The following MAGI1 variants were observed in gnomAD, a reference collection of about 807,000 sequenced individuals.
MAGI1 encodes the protein membrane-associated guanylate kinase, WW and PDZ domain-containing protein 1.
A neutral mutation model predicts 139.9 loss-of-function variants in MAGI1; 58 were observed. That is an observed-to-expected ratio of 0.41 (90% CI 0.34 to 0.52). The LOEUF is 0.52. MAGI1 is among the 20% of genes least tolerant of loss of function. The pLI is 0.12. For missense variants in MAGI1, 1,874 were observed against 1,901.6 expected (o/e 0.99, Z 0.27); for synonymous variants, 812 against 737.9 (o/e 1.10, Z -1.63).
chr3:65,552,232 A>C (rs991266329), intron 2 of MAGI1, among the ~76,000 whole-genome samples: 1 of 150,070 alleles, frequency 6.7e-6, no homozygotes, highest in Non-Finnish European at 1.5e-5. Flanking sequence ...TCCAGGTAAT[A>C]GGGCTCAGCT....
At chr3:65,576,898 C>T (rs190881697) in intron 2 of MAGI1, among the ~76,000 whole-genome samples, 14 of 152,264 alleles carry the variant, frequency 9.2e-5, no homozygotes, top group Non-Finnish European at 1.2e-4. Flanking sequence ...TGTATGGTTA[C>T]CCCTGGGATG....
chr3:65,815,218 G>T (rs2041526378), intron 1 of MAGI1, among the ~76,000 whole-genome samples: 1 of 152,110 alleles, frequency 6.6e-6, no homozygotes. Context: ...ACAATTCTGG[G>T]GCCCATGATC....
chr3:65,445,919 T>C (rs1575774521), intron 7 of MAGI1, among the ~76,000 whole-genome samples: 1 of 152,178 alleles, frequency 6.6e-6, no homozygotes, highest in African/African-American at 2.4e-5. Flanking sequence ...TTGTTTGAAA[T>C]TAGGACCCTC....
At chr3:65,388,337 A>G (rs1943613746) in intron 14 of MAGI1, among the ~76,000 whole-genome samples, 1 of 152,182 alleles carries the variant, frequency 6.6e-6, no homozygotes, top group Non-Finnish European at 1.5e-5. Flanking sequence ...TTCCAACAAA[A>G]AGAGGGTAAT....
intron 1 of MAGI1, among the ~76,000 whole-genome samples, chr3:65,997,634 C>G (rs1054364559): frequency 6.6e-6 from 1 of 151,764 alleles, no homozygotes; most frequent in Non-Finnish European, 1.5e-5. Context: ...CCAGCCTGGG[C>G]GACAGAGCAA....
chr3:66,000,853 C>T (rs1318330838), intron 1 of MAGI1, among the ~76,000 whole-genome samples: 1 of 152,188 alleles, frequency 6.6e-6, no homozygotes, highest in Non-Finnish European at 1.5e-5. Context: ...TTAATGAAAA[C>T]CCATGGCAGG....
At chr3:65,432,070 T>G (rs901667823) in intron 10 of MAGI1, among the ~76,000 whole-genome samples, 1 of 152,134 alleles carries the variant, frequency 6.6e-6, no homozygotes, top group African/African-American at 2.4e-5. Context: ...ACCTAAGGTT[T>G]TATTGAGTTT....
chr3:65,692,803 T>G (rs1051210131), intron 1 of MAGI1, among the ~76,000 whole-genome samples: 4 of 152,126 alleles, frequency 2.6e-5, no homozygotes, highest in Non-Finnish European at 5.9e-5. Context: ...TGAGCCCCCT[T>G]GCCATGTTAT....
At chr3:65,922,229 C>G (rs559753307) in intron 1 of MAGI1, among the ~76,000 whole-genome samples, 2 of 152,094 alleles carry the variant, frequency 1.3e-5, no homozygotes, top group African/African-American at 4.8e-5. Flanking sequence ...GCATTAGCAA[C>G]CAATGCAAGA....
At chr3:65,572,378 G>A (rs1338746809) in intron 2 of MAGI1, among the ~76,000 whole-genome samples, 1 of 152,078 alleles carries the variant, frequency 6.6e-6, no homozygotes, top group African/African-American at 2.4e-5. Flanking sequence ...ACAAGCAAAT[G>A]GTGTTAAAGG....
intron 1 of MAGI1, chr3:65,843,833 G>C (rs1010238774): frequency 5.2e-6 from 1 of 192,272 alleles, no homozygotes; most frequent in African/African-American, 2.4e-5. Context: ...TCTGAGAGAA[G>C]AGAGTTTTAT....
Position 65,401,457 on chromosome 3 carries a change from G to A in MAGI1, c.2181C>T (p.Pro727=), listed in dbSNP as rs1215970033. Residue 727 remains proline, a synonymous_variant, in exon 13 of 23, where the codon CCC becomes CCT. Coordinates refer to ENST00000402939, the MANE Select transcript of MAGI1 (RefSeq NM_001033057.2). ...TCCTTACCGACTTTGGGCTCTTCTT[G>A]GGAACTGGCAGCCCTGGAAAAAATG... ...LLVQRGGLPV[P]KKSPKSQPLE... The A allele has an allele frequency of 6.6e-7, 1 of 1,515,012 alleles. No individual in the cohort carries two copies. Among genetic ancestry groups the A allele is most frequent in the Admixed American group, 1.8e-5 (1 of 55,352 alleles). 93.8% of individuals were successfully genotyped at this position (1,515,012 alleles called of 1,614,324 possible). A position where few individuals can be genotyped will look rare whatever the true frequency, so the allele number is the denominator to read the frequency against.
rs2035597776 is a variant in MAGI1, at chr3:65,745,152, T to G, written c.314-123064A>C. On this transcript the variant is annotated intron_variant, in intron 1 of 22. Coordinates refer to ENST00000402939, the MANE Select transcript of MAGI1 (RefSeq NM_001033057.2). ...TGGAAAACTATTTTCGCATATTAAA[T>G]TATTTTTTACAATGGAAATGTTATA... Among the ~76,000 whole-genome samples the G allele has an allele frequency of 2.0e-5, 3 of 152,178 alleles. No individual in the cohort carries two copies. The South Asian group carries it at 6.2e-4, about 32-fold the overall frequency.
At chr3:65,597,575 T>G in intron 2 of MAGI1, 1 of 433,016 alleles carries the variant, frequency 2.3e-6, no homozygotes, top group Non-Finnish European at 4.8e-6. Context: ...CGCAGCCATC[T>G]GGCCCTCCCA....
chr3:65,399,215 T>C (rs1944656690), intron 13 of MAGI1, among the ~76,000 whole-genome samples: 1 of 152,220 alleles, frequency 6.6e-6, no homozygotes, highest in African/African-American at 2.4e-5. Flanking sequence ...CCTGCATAAT[T>C]GACCTTATGT....
At chr3:65,625,799 G>A (rs2083939413) in intron 1 of MAGI1, among the ~76,000 whole-genome samples, 1 of 152,114 alleles carries the variant, frequency 6.6e-6, no homozygotes, top group Non-Finnish European at 1.5e-5. Context: ...TAGACCTAAG[G>A]AGATCTGGAT....
chr3:65,491,545 C>T (rs191494701), intron 3 of MAGI1, among the ~76,000 whole-genome samples: 1 of 152,126 alleles, frequency 6.6e-6, no homozygotes. Flanking sequence ...TGAAGCCCCC[C>T]AGATGGGCAT....
At chr3:65,586,371 G>A (rs1484968693) in intron 2 of MAGI1, among the ~76,000 whole-genome samples, 2 of 152,120 alleles carry the variant, frequency 1.3e-5, no homozygotes, top group Non-Finnish European at 2.9e-5. Context: ...CTTGGAGGAG[G>A]TGGAAAGGAT....
chr3:65,409,474 G>C (rs897060363), intron 12 of MAGI1, among the ~76,000 whole-genome samples: 5 of 152,140 alleles, frequency 3.3e-5, no homozygotes, highest in Admixed American at 3.3e-4. Context: ...AGCTTTTCTT[G>C]TTGTTGTTTT....
Sources: gnomAD v4.1 joint callset for allele counts (sites outside exome capture counted in the v4.1 genomes callset) on GRCh38, gnomAD v4.1.1 for gene constraint, MANE v1.5 for transcripts, NCBI Gene and HGNC (gene_info 2026-07-23, HGNC 2026-07-21) for gene names.